ALK: variants seen among roughly 807,000 people sequenced by gnomAD.
The protein encoded by ALK is ALK tyrosine kinase receptor.
In ALK, 74 loss-of-function variants were observed where a neutral mutation model predicts 163.1. The observed-to-expected ratio is 0.45, with a 90% confidence interval of 0.38 to 0.55. The LOEUF (loss-of-function observed/expected upper bound fraction) is 0.55. Ranked by LOEUF, ALK falls within the 20% of genes least tolerant of loss-of-function variation. The pLI is 0.00. For missense variants in ALK, 2,063 were observed against 2,105.3 expected, an observed-to-expected ratio of 0.98 and a Z score of 0.39; for synonymous variants, 960 against 843.2, an observed-to-expected ratio of 1.14 and a Z score of -2.40.
intron 4 of ALK, among the ~76,000 whole-genome samples, chr2:29,463,886 G>T (rs992458171): frequency 1.3e-5 from 2 of 152,186 alleles, no homozygotes; most frequent in African/African-American, 4.8e-5. Flanking sequence ...AACAGTCTGT[G>T]TCCCAACCAG....
chr2:29,839,818 T>A (rs1172567018), intron 1 of ALK, among the ~76,000 whole-genome samples: 1 of 152,204 alleles, frequency 6.6e-6, no homozygotes, highest in East Asian at 1.9e-4. Flanking sequence ...AGATATATTA[T>A]GACTTGGTGT....
chr2:29,827,645 A>G (rs1015757129), intron 1 of ALK, among the ~76,000 whole-genome samples: 11 of 152,182 alleles, frequency 7.2e-5, no homozygotes. Flanking sequence ...CAAGACTACT[A>G]CTGGCTTTGC....
intron 1 of ALK, among the ~76,000 whole-genome samples, chr2:29,765,842 A>G (rs1414730604): frequency 1.3e-5 from 2 of 152,166 alleles, no homozygotes; most frequent in African/African-American, 4.8e-5. Flanking sequence ...GGCAATTTCC[A>G]TAATAAATAC....
intron 1 of ALK, among the ~76,000 whole-genome samples, chr2:29,758,005 C>CTTT (rs1213067837): frequency 2.1e-3 from 218 of 104,978 alleles, no homozygotes; most frequent in Non-Finnish European, 2.6e-3. Flanking sequence ...CCCGCATCCT[C>CTTT]TTTTTTTTTT....
At chr2:29,579,247 G>T (rs1355323898) in intron 3 of ALK, among the ~76,000 whole-genome samples, 1 of 152,186 alleles carries the variant, frequency 6.6e-6, no homozygotes, top group Non-Finnish European at 1.5e-5. Flanking sequence ...CCTCACCTAT[G>T]GATGGTTTAT....
chr2:29,553,332 T>C lies in ALK; in HGVS notation c.953-21216A>G, dbSNP rs78788351. 5.4e-3 allele frequency among the ~76,000 whole-genome samples: 817 copies of C among 152,300 alleles called. 9 individuals carry two copies. The highest frequency in any genetic ancestry group is 0.018 in the African/African-American group (763 of 41,562). On this transcript the variant is annotated intron_variant, in intron 3 of 28. Coordinates refer to ENST00000389048, the MANE Select transcript of ALK (RefSeq NM_004304.5). ...GCAGAGAGCAGCCCTCACCAGACAC[T>C]AACGGTCTCAGTGCCTTGATGTTGA...
chr2:29,908,002 G>C (rs1395348750), intron 1 of ALK, among the ~76,000 whole-genome samples: 1 of 152,066 alleles, frequency 6.6e-6, no homozygotes. Flanking sequence ...GCCCAGCTCT[G>C]ACTCTTTCAT....
At chr2:29,451,180 T>C (rs893477941) in intron 4 of ALK, among the ~76,000 whole-genome samples, 3 of 152,158 alleles carry the variant, frequency 2.0e-5, no homozygotes, top group African/African-American at 7.2e-5. Flanking sequence ...TGCTTTCAGG[T>C]TTCAGAAAAA....
At chr2:29,475,853 T>C (rs1671505384) in intron 4 of ALK, among the ~76,000 whole-genome samples, 1 of 128,352 alleles carries the variant, frequency 7.8e-6, no homozygotes, top group South Asian at 3.0e-4. Flanking sequence ...TTGTGCAAAC[T>C]GCCATCACAA....
chr2:29,696,587 T>C (rs1285913803), intron 2 of ALK, among the ~76,000 whole-genome samples: 3 of 150,158 alleles, frequency 2.0e-5, no homozygotes, highest in Non-Finnish European at 4.4e-5. Context: ...TCAGCATGCT[T>C]TGCAGAGGAG....
rs374205057 is a variant in ALK at position 29,318,337 on chromosome 2, C to T, written c.1614G>A (p.Thr538=). 1.8e-5 allele frequency: 29 copies of T among 1,613,866 alleles called. No individual in the cohort carries two copies. The highest frequency in any genetic ancestry group is 5.3e-5 in the African/African-American group (4 of 74,902). The change falls in exon 8 of 29, where the codon ACG becomes ACA. Residue 538 remains threonine, a synonymous_variant. Coordinates refer to ENST00000389048, the MANE Select transcript of ALK (RefSeq NM_004304.5). ...ASESATVTSA[T]FPAPIKSSPC... Reference sequence around the variant, plus strand: ...GAGAGCTCTTGATCGGTGCAGGAAACGTAGCACTGGTCACTGTAGCACTTT... The same window carrying T: ...GAGAGCTCTTGATCGGTGCAGGAAATGTAGCACTGGTCACTGTAGCACTTT...
intron 3 of ALK, among the ~76,000 whole-genome samples, chr2:29,684,201 A>C (rs1435009266): frequency 6.6e-6 from 1 of 152,156 alleles, no homozygotes; most frequent in Non-Finnish European, 1.5e-5. Flanking sequence ...GTATTATTTG[A>C]TATATAGAAA....
At chr2:29,514,785 T>C (rs566902985) in intron 4 of ALK, among the ~76,000 whole-genome samples, 52 of 152,328 alleles carry the variant, frequency 3.4e-4, no homozygotes, top group African/African-American at 1.2e-3. Context: ...CCATTGTCTC[T>C]TGTACATATC....
intron 1 of ALK, among the ~76,000 whole-genome samples, chr2:29,875,285 C>T (rs1666675894): frequency 6.6e-6 from 1 of 152,136 alleles, no homozygotes; most frequent in African/African-American, 2.4e-5. Context: ...TTAATGAGTA[C>T]AGAGTTTCTA....
intron 1 of ALK, among the ~76,000 whole-genome samples, chr2:29,888,246 G>GTTT (rs371816657): frequency 1.3e-4 from 4 of 31,580 alleles, no homozygotes; most frequent in Admixed American, 2.6e-4. Context: ...CCAATAAATT[G>GTTT]TTTTTTTTTT....
chr2:29,605,756 A>G (rs371343629), intron 3 of ALK, among the ~76,000 whole-genome samples: 3 of 152,194 alleles, frequency 2.0e-5, no homozygotes, highest in African/African-American at 7.2e-5. Flanking sequence ...GCCACCCAGT[A>G]TATGATACTT....
chr2:29,339,305 TGA>T (rs1667721398), intron 5 of ALK, among the ~76,000 whole-genome samples: 1 of 149,724 alleles, frequency 6.7e-6, no homozygotes, highest in South Asian at 2.1e-4. Flanking sequence ...TAGTGAAGGA[TGA>T]GAGAGAATCA....
chr2:29,566,185 C>T (rs894827486), intron 3 of ALK, among the ~76,000 whole-genome samples: 7 of 152,158 alleles, frequency 4.6e-5, no homozygotes, highest in Admixed American at 1.3e-4. Context: ...TCTGCATGTT[C>T]GCGAGGGCCA....
chr2:29,251,415 A>G (rs2148198010), intron 11 of ALK, 148 bp from the exon 12 acceptor site: 1 of 800,450 alleles, frequency 1.2e-6, no homozygotes, highest in South Asian at 1.6e-5. Flanking sequence ...AACACCAATC[A>G]GCCATCGAAC....
Sources: gnomAD v4.1 joint callset for allele counts (sites outside exome capture counted in the v4.1 genomes callset) on GRCh38, gnomAD v4.1.1 for gene constraint, MANE v1.5 for transcripts, NCBI Gene and HGNC (gene_info 2026-07-23, HGNC 2026-07-21) for gene names.